Variants in GRIK1 observed in about 807,000 individuals in gnomAD.
GRIK1 encodes glutamate receptor ionotropic, kainate 1.
A neutral mutation model predicts 105.7 loss-of-function variants in GRIK1; 69 were observed. That is an observed-to-expected ratio of 0.65 (90% confidence interval 0.54 to 0.80). The LOEUF (loss-of-function observed/expected upper bound fraction) is 0.80. GRIK1 is among the 30% of genes least tolerant of loss of function. GRIK1 has a pLI of 0.00. For synonymous variants in GRIK1, 438 were observed against 431.3 expected (o/e 1.02, Z -0.19); for missense variants, 1,109 against 1,167.3 (o/e 0.95, Z 0.73).
chr21:29,691,301 ACT>A (rs2063580657), intron 2 of GRIK1, among the ~76,000 whole-genome samples: 1 of 152,158 alleles, frequency 6.6e-6, no homozygotes, highest in Admixed American at 6.5e-5. Flanking sequence ...ACAGAGCGAG[ACT>A]CTGTTTCAAA....
chr21:29,837,655 A>C (rs1461746765), intron 1 of GRIK1, among the ~76,000 whole-genome samples: 1 of 152,220 alleles, frequency 6.6e-6, no homozygotes, highest in East Asian at 1.9e-4. Flanking sequence ...TTAAATCTAA[A>C]TATTTTAGAA....
At chr21:29,616,215 C>G (rs2061847514) in intron 7 of GRIK1, among the ~76,000 whole-genome samples, 1 of 152,142 alleles carries the variant, frequency 6.6e-6, no homozygotes, top group South Asian at 2.1e-4. Flanking sequence ...TTTTTGGCCT[C>G]TTCTGCTAGC....
intron 3 of GRIK1, among the ~76,000 whole-genome samples, chr21:29,687,620 G>T (rs941007169): frequency 6.6e-6 from 1 of 152,190 alleles, no homozygotes; most frequent in Non-Finnish European, 1.5e-5. Context: ...CTGAGCACAG[G>T]TGAACTTGAC....
intron 1 of GRIK1, among the ~76,000 whole-genome samples, chr21:29,898,226 C>A (rs1479421929): frequency 6.6e-6 from 1 of 152,144 alleles, no homozygotes; most frequent in Non-Finnish European, 1.5e-5. Flanking sequence ...CTACCAGCTG[C>A]AAACAGCAGA....
rs543857468 is a variant in GRIK1, at chr21:29,656,099, C to G, written c.727-1236G>C. 3.5e-4 allele frequency among the ~76,000 whole-genome samples: 53 copies of G among 151,332 alleles called. 2 individuals are homozygous for G. The highest frequency in any genetic ancestry group is 1.3e-3 in the African/African-American group (52 of 41,268). Reference sequence around the variant, plus strand: ...AGAGAGAAGGCCGGGTGCGGTGGCTCACGCCTGTAATCCAGCACTTTGGGA... The same window carrying G: ...AGAGAGAAGGCCGGGTGCGGTGGCTGACGCCTGTAATCCAGCACTTTGGGA... On this transcript the variant is annotated intron_variant, in intron 4 of 17. Transcript: ENST00000327783.
intron 1 of GRIK1, among the ~76,000 whole-genome samples, chr21:29,904,326 A>G (rs1465846342): frequency 6.6e-6 from 1 of 151,814 alleles, no homozygotes; most frequent in Non-Finnish European, 1.5e-5. Flanking sequence ...TTGGGAAAAA[A>G]AAGGACTCAA....
intron 3 of GRIK1, among the ~76,000 whole-genome samples, chr21:29,686,569 C>A (rs1299349315): frequency 2.6e-5 from 4 of 152,222 alleles, no homozygotes; most frequent in African/African-American, 9.6e-5. Context: ...GGCCAAAAGG[C>A]CAAACCTAGC....
At chr21:29,639,931 A>C (rs1641270401) in intron 7 of GRIK1, among the ~76,000 whole-genome samples, 1 of 152,104 alleles carries the variant, frequency 6.6e-6, no homozygotes, top group Admixed American at 6.5e-5. Context: ...AGTCAGCCCC[A>C]TACACTGAAA....
chr21:29,818,242 C>T (rs531982678), intron 1 of GRIK1, among the ~76,000 whole-genome samples: 3 of 151,962 alleles, frequency 2.0e-5, no homozygotes, highest in Admixed American at 6.6e-5. Context: ...TAAATGTTGA[C>T]AGACAAAAAA....
chr21:29,857,248 G>A lies in GRIK1; in HGVS notation c.118+82135C>T, dbSNP rs920728110. Among the ~76,000 whole-genome samples, 14 of 152,160 alleles carry A rather than the reference G, an allele frequency of 9.2e-5. No homozygotes were observed. The South Asian group carries it at 1.2e-3, about 14-fold the overall frequency. On this transcript the variant is annotated intron_variant, in intron 1 of 17. Coordinates refer to ENST00000327783, the MANE Select transcript of GRIK1 (RefSeq NM_001330994.2). ...AAAAAATAGTGGCATGAAATAGTGC[G>A]ATAGAAATGAGCAAAGCGGTAAGTG...
chr21:29,821,126 G>A (rs1034967951), intron 1 of GRIK1, among the ~76,000 whole-genome samples: 2 of 151,142 alleles, frequency 1.3e-5, no homozygotes, highest in Non-Finnish European at 2.9e-5. Context: ...GCCTACTGTT[G>A]ACCAAAGGCC....
chr21:29,616,331 G>A (rs954990536), intron 7 of GRIK1, among the ~76,000 whole-genome samples: 1 of 152,092 alleles, frequency 6.6e-6, no homozygotes, highest in Non-Finnish European at 1.5e-5. Flanking sequence ...AAATAGTAAT[G>A]TACTTTTTCT....
chr21:29,918,061 T>C (rs1465318254), intron 1 of GRIK1, among the ~76,000 whole-genome samples: 1 of 152,026 alleles, frequency 6.6e-6, no homozygotes, highest in African/African-American at 2.4e-5. Context: ...AAATGATAGA[T>C]AAATGGTGAT....
chr21:29,652,403 T>A (rs1200952461), intron 5 of GRIK1, among the ~76,000 whole-genome samples: 1 of 152,214 alleles, frequency 6.6e-6, no homozygotes, highest in Admixed American at 6.5e-5. Flanking sequence ...GCATGAAGAA[T>A]GTTCGCTGAA....
chr21:29,841,214 C>G (rs1475797894), intron 1 of GRIK1, among the ~76,000 whole-genome samples: 1 of 152,076 alleles, frequency 6.6e-6, no homozygotes, highest in Non-Finnish European at 1.5e-5. Flanking sequence ...TTCCCACTGT[C>G]AATAGAAAAT....
chr21:29,722,579 T>TAA (rs748557269), intron 1 of GRIK1, among the ~76,000 whole-genome samples: 24 of 111,870 alleles, frequency 2.1e-4, no homozygotes, highest in African/African-American at 3.4e-4. Context: ...TAAATAAAAG[T>TAA]AAAAAAAAAA....
intron 14 of GRIK1, among the ~76,000 whole-genome samples, chr21:29,565,192 A>G (rs1012442721): frequency 1.3e-5 from 2 of 152,214 alleles, no homozygotes; most frequent in African/African-American, 4.8e-5. Flanking sequence ...GAGCACAGTA[A>G]TAGTAAACAT....
At chr21:29,757,529 A>G (rs1317062993) in intron 1 of GRIK1, among the ~76,000 whole-genome samples, 5 of 152,230 alleles carry the variant, frequency 3.3e-5, no homozygotes, top group Non-Finnish European at 4.4e-5. Context: ...TTGAAACACA[A>G]ACAGTGACTT....
At chr21:29,656,599 T>C (rs192243714) in intron 4 of GRIK1, among the ~76,000 whole-genome samples, 6 of 152,224 alleles carry the variant, frequency 3.9e-5, no homozygotes, top group African/African-American at 9.6e-5. Flanking sequence ...CACTGCTCTA[T>C]GGAAAACATG....
Sources: allele counts gnomAD v4.1 joint callset (sites outside exome capture counted in the v4.1 genomes callset), GRCh38; gene constraint gnomAD v4.1.1; transcripts MANE v1.5; gene names NCBI Gene and HGNC (gene_info 2026-07-23, HGNC 2026-07-21).